ADH5: variants seen among roughly 807,000 people sequenced by gnomAD.
ADH5 encodes alcohol dehydrogenase class-3.
In ADH5, 32 loss-of-function variants were observed where a neutral mutation model predicts 40.3. The observed-to-expected ratio is 0.79, with a 90% CI of 0.60 to 1.07. The LOEUF (loss-of-function observed/expected upper bound fraction) is 1.07. Among genes scored for constraint, ADH5 ranks in the 50% least tolerant of loss-of-function variants. The pLI, the probability that ADH5 is intolerant of heterozygous loss-of-function variation, is 0.00. For synonymous variants in ADH5, 125 were observed against 154.3 expected, an observed-to-expected ratio of 0.81 and a Z score of 1.41; for missense variants, 353 against 460.5, an observed-to-expected ratio of 0.77 and a Z score of 2.14.
chr4:99,077,662 G>C (rs1264071327), intron 4 of ADH5, among the ~76,000 whole-genome samples: 3 of 152,180 alleles, frequency 2.0e-5, no homozygotes, highest in African/African-American at 4.8e-5. Context: ...GCATTTTTCT[G>C]AAGTGTAACT....
At chr4:99,085,337 CAT>C in intron 1 of ADH5, 121 bp from the exon 2 acceptor site, 1 of 448,380 alleles carries the variant, frequency 2.2e-6, no homozygotes, top group Non-Finnish European at 4.0e-6. Context: ...CACAAAGAAA[CAT>C]ATGCTTCCAA....
At chr4:99,087,455 C>A (rs145086181) in intron 1 of ADH5, among the ~76,000 whole-genome samples, 1 of 151,442 alleles carries the variant, frequency 6.6e-6, no homozygotes, top group Middle Eastern at 3.2e-3. Context: ...TGGAAATGAT[C>A]GTTTTTAAAA....
chr4:99,079,034 T>C (rs965061496), intron 4 of ADH5, among the ~76,000 whole-genome samples: 3 of 152,234 alleles, frequency 2.0e-5, no homozygotes, highest in South Asian at 2.1e-4. Flanking sequence ...ATTTTGTCAA[T>C]GGCATTATAA....
At chr4:99,086,327 C>T (rs1163984298) in intron 1 of ADH5, among the ~76,000 whole-genome samples, 2 of 152,042 alleles carry the variant, frequency 1.3e-5, no homozygotes, top group Admixed American at 6.6e-5. Context: ...CATGTATACC[C>T]TCCATTACAA....
In ADH5 at chr4:99,071,215, A is replaced by G. The variant is rs1727827491; in HGVS notation, c.*1202T>C. On this transcript the variant is annotated 3_prime_UTR_variant, in exon 9 of 9. Transcript: ENST00000296412. ...AGAATGAAGGATTTAACGAGAATTG[A>G]GGAAAATGCAAACTAAAGTCATAAT... 1 of 152,270 alleles carries G rather than the reference A, an allele frequency of 6.6e-6. No homozygotes were observed. The highest frequency in any genetic ancestry group is 1.5e-5 in the Non-Finnish European group (1 of 68,046). The allele number at this position is 152,270 out of a possible 1,614,324, so 9.4% of individuals were successfully genotyped here.
In ADH5 at chr4:99,076,282, C is replaced by G; in HGVS notation, c.825+10G>C. On this transcript the variant is annotated intron_variant, in intron 6 of 8. Transcript: ENST00000296412. ...TCCATAAACTAAAAAGGAATGAAGC[C>G]CATACTCACCATGACCTTCACATTA... The G allele has an allele frequency of 1.2e-6, 2 of 1,613,588 alleles. No individual in the cohort carries two copies. Among genetic ancestry groups the G allele is most frequent in the Non-Finnish European group, 1.7e-6 (2 of 1,179,640 alleles).
rs530973275 is a variant in ADH5 at position 99,071,058 on chromosome 4, T to C, written c.*1359A>G. ...AGTCACAAGATAGACTAGAAGATAT[T>C]TGCAACATATAAAACTGACAAATGA... On this transcript the variant is annotated 3_prime_UTR_variant, in exon 9 of 9. Coordinates refer to ENST00000296412, the MANE Select transcript of ADH5 (RefSeq NM_000671.4). 2 of 152,296 alleles carry C rather than the reference T, an allele frequency of 1.3e-5. No individual in the cohort carries two copies. The highest frequency in any genetic ancestry group is 6.5e-5 in the Admixed American group (1 of 15,294). The allele number at this position is 152,296 out of a possible 1,614,324, so 9.4% of individuals were successfully genotyped here.
At chr4:99,083,834 G>GT (rs1473929050) in intron 2 of ADH5, among the ~76,000 whole-genome samples, 1 of 152,080 alleles carries the variant, frequency 6.6e-6, no homozygotes, top group African/African-American at 2.4e-5. Flanking sequence ...CAAGTAGAGA[G>GT]TAGTAGAATG....
chr4:99,074,772 C>T, intron 7 of ADH5, 142 bp downstream of exon 7: 1 of 1,015,298 alleles, frequency 9.8e-7, no homozygotes, highest in Non-Finnish European at 1.4e-6. Context: ...TCTAATAAAA[C>T]AGCCTTGCAT....
chr4:99,088,314 T>C (rs986162914), intron 1 of ADH5, among the ~76,000 whole-genome samples: 13 of 152,164 alleles, frequency 8.5e-5, no homozygotes, highest in African/African-American at 3.1e-4. Context: ...CTGCCAAGTA[T>C]GCAAGCTGCA....
In ADH5 at chr4:99,071,838, A is replaced by G; in HGVS notation, c.*579T>C. 1 of 152,850 alleles carries G rather than the reference A, an allele frequency of 6.5e-6. No homozygotes were observed. Among genetic ancestry groups the G allele is most frequent in the Non-Finnish European group, 1.5e-5 (1 of 68,424 alleles). 9.5% of individuals were successfully genotyped at this position (152,850 alleles called of 1,614,324 possible). Reference sequence around the variant, plus strand: ...CTATTTAAGCCCAGAATGCTGTTTCAATAATACATTTTAGTGCCCCCTGAA... The same window carrying G: ...CTATTTAAGCCCAGAATGCTGTTTCGATAATACATTTTAGTGCCCCCTGAA... On this transcript the variant is annotated 3_prime_UTR_variant, in exon 9 of 9. Transcript: ENST00000296412.
In ADH5 at chr4:99,088,672, CG is replaced by C. The variant is rs1336162724; in HGVS notation, c.12+16del. On this transcript the variant is annotated intron_variant, in intron 1 of 8. Coordinates refer to ENST00000296412, the MANE Select transcript of ADH5 (RefSeq NM_000671.4). ...TCCCTCCCTTGGACTCAGGGCCCTC[CG>C]CTCAACGGGCCCTACCTCGTTCGCC... 2 of 1,607,012 alleles carry C rather than the reference CG, an allele frequency of 1.2e-6. No homozygotes were observed. Among genetic ancestry groups the C allele is most frequent in the Non-Finnish European group, 1.7e-6 (2 of 1,175,890 alleles).
intron 1 of ADH5, among the ~76,000 whole-genome samples, chr4:99,087,778 C>A (rs1728176690): frequency 6.6e-6 from 1 of 152,200 alleles, no homozygotes; most frequent in Non-Finnish European, 1.5e-5. Flanking sequence ...TAATCTTTCA[C>A]CTTCTCTGAA....
Position 99,088,689 on chromosome 4 carries a change from C to T in ADH5, c.12G>A (p.Glu4=). The change falls in exon 1 of 9, where the codon GAG becomes GAA. Residue 4 remains glutamate, a splice_region_variant and synonymous_variant. Coordinates refer to ENST00000296412, the MANE Select transcript of ADH5 (RefSeq NM_000671.4). MAN[E]VIKCKAAVAW... ...GGGCCCTCCGCTCAACGGGCCCTAC[C>T]TCGTTCGCCATGTTCACGGATTCTG... is the stretch of plus-strand genomic sequence containing the variant. 2 of 1,608,086 alleles carry T rather than the reference C, an allele frequency of 1.2e-6. No individual in the cohort carries two copies. Among genetic ancestry groups the T allele is most frequent in the Admixed American group, 1.7e-5 (1 of 59,714 alleles).
chr4:99,085,045 C>G (rs1728107311), intron 2 of ADH5, 70 bp downstream of exon 2: 3 of 717,604 alleles, frequency 4.2e-6, no homozygotes, highest in South Asian at 4.1e-5. Flanking sequence ...CTGCAGATCT[C>G]AGATCTACTC....
At chr4:99,073,869 T>C (rs1281923913) in intron 7 of ADH5, among the ~76,000 whole-genome samples, 1 of 152,226 alleles carries the variant, frequency 6.6e-6, no homozygotes, top group African/African-American at 2.4e-5. Flanking sequence ...AGGCTTAGAA[T>C]GCCCTTTAAA....
At chr4:99,086,058 A>AAACAAAC (rs1728129187) in intron 1 of ADH5, among the ~76,000 whole-genome samples, 2 of 152,028 alleles carry the variant, frequency 1.3e-5, no homozygotes, top group Non-Finnish European at 2.9e-5. Context: ...ACAAACAAAC[A>AAACAAAC]AAACTGAGAT....
At chr4:99,073,507 A>G (rs1727870294) in intron 7 of ADH5, among the ~76,000 whole-genome samples, 3 of 152,234 alleles carry the variant, frequency 2.0e-5, no homozygotes, top group Non-Finnish European at 4.4e-5. Flanking sequence ...AAAATTAGGT[A>G]CTTCAATTTC....
At chr4:99,075,201 A>C in intron 6 of ADH5, 152 bp from the exon 7 acceptor site, 1 of 560,308 alleles carries the variant, frequency 1.8e-6, no homozygotes, top group Non-Finnish European at 2.9e-6. Context: ...TTATTGAACA[A>C]TTTATATTTT....
Sources: gnomAD v4.1 joint callset for allele counts (sites outside exome capture counted in the v4.1 genomes callset) on GRCh38, gnomAD v4.1.1 for gene constraint, MANE v1.5 for transcripts, NCBI Gene and HGNC (gene_info 2026-07-23, HGNC 2026-07-21) for gene names.